The following REDIC1 variants were observed in gnomAD, a reference collection of about 807,000 sequenced individuals.
REDIC1 encodes the protein HEI10 Interacting Protein 1.
At chr12:39,642,364 A>G in the REDIC1 span, among the ~76,000 whole-genome samples, 1 of 151,562 alleles carries the variant, frequency 6.6e-6, no homozygotes, top group Non-Finnish European at 1.5e-5. Flanking sequence ...CCCTCTTTGG[A>G]TAGCTCTGAC....
chr12:39,698,131 G>A, the REDIC1 span, among the ~76,000 whole-genome samples: 1 of 152,066 alleles, frequency 6.6e-6, no homozygotes, highest in African/African-American at 2.4e-5. Flanking sequence ...CAAATTTCAA[G>A]ACAAAAATTA....
At chr12:39,864,610 C>CCT in the REDIC1 span, 1 of 1,010,820 alleles carries the variant, frequency 9.9e-7, no homozygotes, top group South Asian at 2.0e-5. Flanking sequence ...CCTAGGGGCC[C>CCT]CTCTCTACCA....
chr12:39,740,087 C>T, the REDIC1 span, among the ~76,000 whole-genome samples: 3 of 152,324 alleles, frequency 2.0e-5, no homozygotes, highest in African/African-American at 7.2e-5. Context: ...ACGGCAAGAG[C>T]AACCAACATG....
the REDIC1 span, among the ~76,000 whole-genome samples, chr12:39,737,769 G>T: frequency 6.6e-6 from 1 of 152,150 alleles, no homozygotes; most frequent in Non-Finnish European, 1.5e-5. Context: ...TAAATTTCTA[G>T]TGGTTGAACT....
chr12:39,790,382 C>A, the REDIC1 span, among the ~76,000 whole-genome samples: 1 of 126,432 alleles, frequency 7.9e-6, no homozygotes, highest in African/African-American at 3.0e-5. Flanking sequence ...CCCCCCACCC[C>A]ACCACAGTCC....
At chr12:39,754,866 T>C in the REDIC1 span, among the ~76,000 whole-genome samples, 1 of 152,046 alleles carries the variant, frequency 6.6e-6, no homozygotes, top group South Asian at 2.1e-4. Flanking sequence ...TAAAAGATGA[T>C]TTATCATATC....
At chr12:39,900,386 G>A in the REDIC1 span, among the ~76,000 whole-genome samples, 2 of 152,152 alleles carry the variant, frequency 1.3e-5, no homozygotes, top group African/African-American at 4.8e-5. Context: ...TAGGAAAAGA[G>A]GAAGTCAAAT....
the REDIC1 span, among the ~76,000 whole-genome samples, chr12:39,694,140 T>G: frequency 3.3e-5 from 5 of 152,234 alleles, no homozygotes; most frequent in East Asian, 9.6e-4. Context: ...TTTGGCATTT[T>G]TTTTCTTGGT....
At chr12:39,856,162 A>G in the REDIC1 span, among the ~76,000 whole-genome samples, 1 of 152,150 alleles carries the variant, frequency 6.6e-6, no homozygotes, top group African/African-American at 2.4e-5. Flanking sequence ...GATGAAAATT[A>G]TACTAAAAAA....
chr12:39,685,818 A>G, the REDIC1 span, among the ~76,000 whole-genome samples: 1 of 152,212 alleles, frequency 6.6e-6, no homozygotes, highest in African/African-American at 2.4e-5. Context: ...TACTTCCAAG[A>G]TTCAATGGCG....
At chr12:39,719,081 T>C in the REDIC1 span, among the ~76,000 whole-genome samples, 1 of 152,110 alleles carries the variant, frequency 6.6e-6, no homozygotes, top group Non-Finnish European at 1.5e-5. Flanking sequence ...CTTTCTTTTT[T>C]AAAAGAACTG....
At chr12:39,796,623 C>T in the REDIC1 span, among the ~76,000 whole-genome samples, 9 of 151,986 alleles carry the variant, frequency 5.9e-5, no homozygotes, top group Admixed American at 5.9e-4. Context: ...CTAGTCACTA[C>T]TGAAAAAGGA....
chr12:39,821,549 C>T, the REDIC1 span, among the ~76,000 whole-genome samples: 3 of 152,262 alleles, frequency 2.0e-5, no homozygotes, highest in East Asian at 3.9e-4. Context: ...AAGCTTAATG[C>T]GTTGCTCACA....
At chr12:39,736,040 G>A in the REDIC1 span, among the ~76,000 whole-genome samples, 2 of 152,296 alleles carry the variant, frequency 1.3e-5, no homozygotes, top group East Asian at 3.9e-4. Flanking sequence ...AATACTGGTA[G>A]GAAGCAGGCT....
chr12:39,726,155 T>C, the REDIC1 span, among the ~76,000 whole-genome samples: 35 of 151,762 alleles, frequency 2.3e-4, no homozygotes, highest in African/African-American at 6.3e-4. Context: ...CTTCCTCCTC[T>C]TCTTCTTCTT....
chr12:39,673,645 C>T, the REDIC1 span, among the ~76,000 whole-genome samples: 4 of 152,138 alleles, frequency 2.6e-5, no homozygotes, highest in African/African-American at 4.8e-5. Context: ...TTGCCTATTC[C>T]TGTTTTCATG....
the REDIC1 span, among the ~76,000 whole-genome samples, chr12:39,799,907 A>T: frequency 6.6e-6 from 1 of 152,318 alleles, no homozygotes; most frequent in East Asian, 1.9e-4. Context: ...ACAACAGAAT[A>T]ATGTGTCACC....
the REDIC1 span, among the ~76,000 whole-genome samples, chr12:39,711,431 A>C: frequency 9.8e-6 from 1 of 102,246 alleles, no homozygotes; most frequent in South Asian, 3.3e-4. Flanking sequence ...TTATGTGTAT[A>C]TGTATATGTG....
chr12:39,894,615 G>A, the REDIC1 span, among the ~76,000 whole-genome samples: 599 of 152,242 alleles, frequency 3.9e-3, 1 homozygote, highest in Non-Finnish European at 6.3e-3. Flanking sequence ...ATGATTACAA[G>A]GGAAAATAAA....
Sources: gnomAD v4.1 joint callset for allele counts (sites outside exome capture counted in the v4.1 genomes callset) on GRCh38, gnomAD v4.1.1 for gene constraint, MANE v1.5 for transcripts, NCBI Gene and HGNC (gene_info 2026-07-23, HGNC 2026-07-21) for gene names.